CIMAP2: variants seen among roughly 807,000 people sequenced by gnomAD.
CIMAP2 encodes ciliary microtubule associated protein 2, also known as ciliary microtubule-associated protein 2.
chr1:54,841,691 C>T, the CIMAP2 span: 1 of 1,596,742 alleles, frequency 6.3e-7, no homozygotes, highest in Non-Finnish European at 8.6e-7. Context: ...TCCTGTGAAG[C>T]AGAACCAACA....
chr1:54,811,765 G>GCCGGGGGGGGGGGGGGGGCGGGCCCCCC, the CIMAP2 span: 1 of 1,301,332 alleles, frequency 7.7e-7, no homozygotes. Context: ...GGTTCTGACA[G>GCCGGGGGGGGGGGGGGGGCGGGCCCCCC]CCTCCATGCC....
At chr1:54,821,255 G>A in the CIMAP2 span, among the ~76,000 whole-genome samples, 1 of 151,970 alleles carries the variant, frequency 6.6e-6, no homozygotes, top group Non-Finnish European at 1.5e-5. Context: ...GTGTATTTTT[G>A]TTTTTGTTGC....
chr1:54,811,772 T>TCCCCCCCCC, the CIMAP2 span: 15 of 454,850 alleles, frequency 3.3e-5, no homozygotes, highest in South Asian at 9.5e-5. Context: ...ACAGCCTCCA[T>TCCCCCCCCC]GCCCCCACCC....
the CIMAP2 span, chr1:54,812,306 ACCCCCTCACTT>A: frequency 7.2e-7 from 1 of 1,397,932 alleles, no homozygotes; most frequent in East Asian, 2.5e-5. Flanking sequence ...CCTTTCCCAC[ACCCCCTCACTT>A]CACCCTCACA....
chr1:54,807,149 C>A, the CIMAP2 span: 1 of 1,486,218 alleles, frequency 6.7e-7, no homozygotes, highest in Non-Finnish European at 9.4e-7. Context: ...GAGCTGCCTG[C>A]TGTGGTGGAT....
chr1:54,808,737 G>T, the CIMAP2 span, among the ~76,000 whole-genome samples: 1 of 151,966 alleles, frequency 6.6e-6, no homozygotes, highest in Non-Finnish European at 1.5e-5. Flanking sequence ...GCAGCGCCAG[G>T]GGATGATGAT....
the CIMAP2 span, among the ~76,000 whole-genome samples, chr1:54,824,237 A>T: frequency 6.6e-6 from 1 of 152,166 alleles, no homozygotes; most frequent in Non-Finnish European, 1.5e-5. Flanking sequence ...TGTGTTGCCT[A>T]GGCAAGTCTT....
chr1:54,821,626 A>C, the CIMAP2 span, among the ~76,000 whole-genome samples: 6 of 151,984 alleles, frequency 3.9e-5, no homozygotes, highest in African/African-American at 1.5e-4. Context: ...CTCCTTGGTA[A>C]ATTTATTCCT....
At chr1:54,830,156 G>T in the CIMAP2 span, among the ~76,000 whole-genome samples, 1 of 152,128 alleles carries the variant, frequency 6.6e-6, no homozygotes, top group African/African-American at 2.4e-5. The surrounding 1 kb of genome is among the most constrained non-coding windows in gnomAD (Gnocchi z 4.1). Context: ...AAGGGAAAAG[G>T]CTACAGTTCT....
chr1:54,817,455 C>T, the CIMAP2 span, among the ~76,000 whole-genome samples: 18 of 152,336 alleles, frequency 1.2e-4, no homozygotes, highest in African/African-American at 4.1e-4. Context: ...ATCTGCCACC[C>T]AGAGCCCATA....
At chr1:54,815,152 C>A in the CIMAP2 span, 153 of 1,447,458 alleles carry the variant, frequency 1.1e-4, no homozygotes, top group South Asian at 1.9e-3. Flanking sequence ...ATATGCCTCC[C>A]CTTTCTTTTC....
chr1:54,814,361 AC>A, the CIMAP2 span, among the ~76,000 whole-genome samples: 1 of 152,112 alleles, frequency 6.6e-6, no homozygotes, highest in Non-Finnish European at 1.5e-5. Context: ...ACCCACTGGG[AC>A]CTGCCCACTT....
chr1:54,811,765 G>GCCGGGGGGGGGGGGGGGGCCCCCCCCCC, the CIMAP2 span: 7 of 1,301,308 alleles, frequency 5.4e-6, no homozygotes, highest in Non-Finnish European at 5.4e-6. Flanking sequence ...GGTTCTGACA[G>GCCGGGGGGGGGGGGGGGGCCCCCCCCCC]CCTCCATGCC....
At chr1:54,825,588 C>G in the CIMAP2 span, among the ~76,000 whole-genome samples, 1 of 152,122 alleles carries the variant, frequency 6.6e-6, no homozygotes, top group South Asian at 2.1e-4. Flanking sequence ...AGTGGTGGCA[C>G]AGTGGGCTGG....
At chr1:54,821,057 C>T in the CIMAP2 span, among the ~76,000 whole-genome samples, 1 of 152,190 alleles carries the variant, frequency 6.6e-6, no homozygotes, top group South Asian at 2.1e-4. Flanking sequence ...GCATGAGCCA[C>T]AGCACCCAGC....
chr1:54,821,812 T>C, the CIMAP2 span, among the ~76,000 whole-genome samples: 1 of 151,906 alleles, frequency 6.6e-6, no homozygotes, highest in Non-Finnish European at 1.5e-5. Flanking sequence ...GGTTTTTATC[T>C]ATATAAGATC....
At chr1:54,817,214 T>A in the CIMAP2 span, 1 of 1,525,636 alleles carries the variant, frequency 6.6e-7, no homozygotes, top group Non-Finnish European at 8.9e-7. Context: ...TTGGTTCCCA[T>A]GGGAACACAG....
At chr1:54,819,970 C>CT in the CIMAP2 span, among the ~76,000 whole-genome samples, 1 of 105,630 alleles carries the variant, frequency 9.5e-6, no homozygotes, top group East Asian at 3.1e-4. Context: ...TCTTTTCTTT[C>CT]TTTCTTTTTC....
chr1:54,816,763 T>C, the CIMAP2 span, among the ~76,000 whole-genome samples: 1 of 152,198 alleles, frequency 6.6e-6, no homozygotes, highest in African/African-American at 2.4e-5. Context: ...TACTGCAGTA[T>C]GACTTAATCT....
Sources: allele counts gnomAD v4.1 joint callset (sites outside exome capture counted in the v4.1 genomes callset), GRCh38; gene constraint gnomAD v4.1.1; non-coding constraint Gnocchi (gnomAD v3.1); transcripts MANE v1.5; gene names NCBI Gene and HGNC (gene_info 2026-07-23, HGNC 2026-07-21).